The following PRKX variants were observed in gnomAD, a reference collection of about 807,000 sequenced individuals.
PRKX encodes the protein protein kinase cAMP-dependent X-linked catalytic subunit, also known as cAMP-dependent protein kinase catalytic subunit PRKX.
PRKX carries 12 observed loss-of-function variants against 22.0 expected under a neutral mutation model. That is an observed-to-expected ratio of 0.54 (90% CI 0.35 to 0.88). The LOEUF is 0.88. Among genes scored for constraint, PRKX ranks in the 40% least tolerant of loss-of-function variants. The pLI, the probability that PRKX is intolerant of heterozygous loss-of-function variation, is 0.01. For synonymous variants in PRKX, 134 were observed against 137.7 expected (o/e 0.97, Z 0.19); for missense variants, 217 against 308.0 (o/e 0.70, Z 2.21).
rs772010391 is a variant in PRKX, at chrX:3,655,243, C to T, written c.505G>A (p.Val169Ile). The stretch of plus-strand genomic sequence containing the variant: ...TTCTCTGGCTTCAAGTCCCTGTAGA[C>T]GATCTCTTTGGAGTGCAGGTACTCG... Reference protein sequence around the residue: ...AIEYLHSKEIVYRDLKPENIL... With the variant: ...AIEYLHSKEIIYRDLKPENIL... Residue 169 changes from valine (V) to isoleucine (I), a missense_variant, in exon 3 of 9, where the codon GTC becomes ATC. Physicochemically the swap from Val to Ile is conservative, Grantham distance 29. Transcript: ENST00000262848. 8.3e-6 allele frequency: 10 copies of T among 1,212,060 alleles called. No homozygotes were observed. Among genetic ancestry groups the T allele is most frequent in the South Asian group, 3.5e-5 (2 of 57,017 alleles).
intron 2 of PRKX, chrX:3,667,945 G>C (rs1008472851): frequency 2.7e-5 from 3 of 110,365 alleles, no homozygotes; most frequent in Admixed American, 9.8e-5. Context: ...TGTCCACTGC[G>C]TCTTCACCCC....
chrX:3,638,180 T>C (rs1425885796), intron 4 of PRKX, among the ~76,000 whole-genome samples: 1 of 111,875 alleles, frequency 8.9e-6, no homozygotes, highest in East Asian at 2.8e-4. Context: ...ACAATTCTGG[T>C]AACTTTATAT....
chrX:3,669,361 TCC>T (rs1927803365), intron 2 of PRKX, among the ~76,000 whole-genome samples: 1 of 97,320 alleles, frequency 1.0e-5, no homozygotes, highest in African/African-American at 3.6e-5. Flanking sequence ...CATCCATCCA[TCC>T]ATCAACTATC....
At chrX:3,637,118 GAGGAAAGGAAAGGGA>G (rs1198646676) in intron 4 of PRKX, among the ~76,000 whole-genome samples, 2 of 103,160 alleles carry the variant, frequency 1.9e-5, no homozygotes, top group Non-Finnish European at 4.0e-5. Flanking sequence ...GGGAGGGAGG[GAGGAAAGGAAAGGGA>G]AGGAAAGGAA....
At chrX:3,706,108 G>A (rs192621026) in intron 1 of PRKX, among the ~76,000 whole-genome samples, 1 of 110,556 alleles carries the variant, frequency 9.0e-6, no homozygotes, top group East Asian at 2.8e-4. Flanking sequence ...CTGGAGAGAA[G>A]AGGAAACTGA....
chrX:3,690,133 T>C (rs1385558657), intron 1 of PRKX, among the ~76,000 whole-genome samples: 2 of 112,233 alleles, frequency 1.8e-5, no homozygotes, highest in Non-Finnish European at 3.8e-5. Context: ...TTGGATATTC[T>C]TGGGAAGGTA....
At position 3,606,868 on chromosome X, in the gene PRKX, G is replaced by A. The variant is rs1926185787; in HGVS notation, c.*2101C>T. 1 of 111,643 alleles carries A rather than the reference G, an allele frequency of 9.0e-6. No individual in the cohort carries two copies. Among genetic ancestry groups the A allele is most frequent in the African/African-American group, 3.3e-5 (1 of 30,731 alleles). 9.2% of individuals were successfully genotyped at this position (111,643 alleles called of 1,213,427 possible). A position where few individuals can be genotyped will look rare whatever the true frequency, so the allele number is the denominator to read the frequency against. ...GGGTTTCACACCATCACACGTTCTT[G>A]GAATCGCTTCTAATTTCTCATTTGT... On this transcript the variant is annotated 3_prime_UTR_variant, in exon 9 of 9. Coordinates refer to ENST00000262848, the MANE Select transcript of PRKX (RefSeq NM_005044.5).
intron 2 of PRKX, among the ~76,000 whole-genome samples, chrX:3,666,068 C>A (rs777856973): frequency 7.1e-4 from 76 of 107,071 alleles, no homozygotes; most frequent in African/African-American, 2.4e-3. Flanking sequence ...TAGAGTGCAG[C>A]GACACAATCT....
At chrX:3,692,064 T>C (rs1287203903) in intron 1 of PRKX, among the ~76,000 whole-genome samples, 1 of 87,907 alleles carries the variant, frequency 1.1e-5, no homozygotes, top group African/African-American at 4.6e-5. Context: ...GGTAGGTAGG[T>C]AGATAACAGA....
At chrX:3,644,693 C>A in intron 3 of PRKX, among the ~76,000 whole-genome samples, 1 of 111,756 alleles carries the variant, frequency 8.9e-6, no homozygotes, top group Non-Finnish European at 1.9e-5. Flanking sequence ...CCAAGTACAC[C>A]CTGGCTGCTT....
chrX:3,640,492 G>A (rs1377750925), intron 4 of PRKX, among the ~76,000 whole-genome samples: 1 of 111,894 alleles, frequency 8.9e-6, no homozygotes, highest in Non-Finnish European at 1.9e-5. Context: ...TGCGTTTCTG[G>A]TCTAGTCATA....
intron 1 of PRKX, among the ~76,000 whole-genome samples, chrX:3,701,104 CT>C (rs1232940583): frequency 1.2e-4 from 10 of 82,123 alleles, no homozygotes; most frequent in Non-Finnish European, 1.6e-4. Flanking sequence ...ATTTCCTTTT[CT>C]TTTTTTCCTT....
intron 4 of PRKX, among the ~76,000 whole-genome samples, chrX:3,633,167 C>T (rs753120471): frequency 2.8e-5 from 3 of 108,852 alleles, no homozygotes; most frequent in Non-Finnish European, 3.8e-5. Flanking sequence ...GCAGGAGGAT[C>T]GCTTGAGCCC....
chrX:3,650,500 G>C (rs370574751), intron 3 of PRKX, among the ~76,000 whole-genome samples: 5 of 67,933 alleles, frequency 7.4e-5, no homozygotes, highest in Non-Finnish European at 9.9e-5. Flanking sequence ...CAGCCTGGGC[G>C]ACAGAGCGAG....
intron 1 of PRKX, among the ~76,000 whole-genome samples, chrX:3,691,874 CTGGATGGA>C (rs199859885): frequency 9.1e-6 from 1 of 109,919 alleles, no homozygotes; most frequent in African/African-American, 3.3e-5. Flanking sequence ...GAATGACTGA[CTGGATGGA>C]TGGATGGATG....
chrX:3,689,430 T>C (rs374644343), intron 1 of PRKX, among the ~76,000 whole-genome samples: 1 of 112,406 alleles, frequency 8.9e-6, no homozygotes, highest in East Asian at 2.8e-4. Context: ...GTGCCTATAA[T>C]CCCAGAACTT....
Position 3,674,664 on chromosome X carries a change from T to A in PRKX, c.269A>T (p.Gln90Leu). 8.3e-7 allele frequency: 1 copy of A among 1,211,834 alleles called. No homozygotes were observed. ...CTTCTCATTGTGTACGTGTTGCTCC[T>A]GCTTTAGGCGGATGACGTCGGGAAT... Reference protein sequence around the residue: ...MSIPDVIRLKQEQHVHNEKSV... With the variant: ...MSIPDVIRLKLEQHVHNEKSV... The change falls in exon 2 of 9, where the codon CAG becomes CTG. Residue 90 changes from glutamine to leucine, a missense_variant. Coordinates refer to ENST00000262848, the MANE Select transcript of PRKX (RefSeq NM_005044.5).
chrX:3,613,972 C>T (rs1442147105), intron 7 of PRKX, among the ~76,000 whole-genome samples: 1 of 108,748 alleles, frequency 9.2e-6, no homozygotes, highest in African/African-American at 3.3e-5. Flanking sequence ...ATTCTTTTAA[C>T]TCTGAAGTGC....
intron 6 of PRKX, among the ~76,000 whole-genome samples, chrX:3,616,223 C>G (rs1926417420): frequency 9.0e-6 from 1 of 111,402 alleles, no homozygotes; most frequent in South Asian, 3.8e-4. Context: ...CAGTTTGTCT[C>G]CTGTTTTCAT....
Sources: allele counts gnomAD v4.1 joint callset (sites outside exome capture counted in the v4.1 genomes callset), GRCh38; gene constraint gnomAD v4.1.1; transcripts MANE v1.5; gene names NCBI Gene and HGNC (gene_info 2026-07-23, HGNC 2026-07-21).